Variants in RASGEF1C observed in about 807,000 individuals in gnomAD.
The protein encoded by RASGEF1C is RasGEF domain family member 1C.
RASGEF1C carries 27 observed loss-of-function variants against 58.1 expected under a neutral mutation model. That is an observed-to-expected ratio of 0.46 (90% confidence interval 0.34 to 0.64). RASGEF1C has a LOEUF of 0.64. RASGEF1C is among the 30% of genes least tolerant of loss of function. The probability of loss-of-function intolerance (pLI) is 0.01; values close to 1 mark genes in which losing one functional copy is unlikely to be tolerated. For missense variants in RASGEF1C, 502 were observed against 605.1 expected (o/e 0.83, Z 1.79); for synonymous variants, 243 against 246.3 (o/e 0.99, Z 0.13).
chr5:180,148,491 G>A (rs1766693234), intron 1 of RASGEF1C, among the ~76,000 whole-genome samples: 1 of 150,630 alleles, frequency 6.6e-6, no homozygotes, highest in Admixed American at 6.6e-5. Flanking sequence ...TTCCTTTTGT[G>A]TATATCCTAT....
chr5:180,168,191 GA>G lies in RASGEF1C; in HGVS notation c.-6-30134del, dbSNP rs1197111571. Among the ~76,000 whole-genome samples, 1 of 152,192 alleles carries G rather than the reference GA, an allele frequency of 6.6e-6. No homozygotes were observed. Among genetic ancestry groups the G allele is most frequent in the African/African-American group, 2.4e-5 (1 of 41,444 alleles). On this transcript the variant is annotated intron_variant, in intron 1 of 13. Coordinates refer to ENST00000361132, the MANE Select transcript of RASGEF1C (RefSeq NM_175062.4). The surrounding 1 kb of genome is among the most constrained non-coding windows in gnomAD (Gnocchi z 6.0). ...CACACCTGTAATCCCAGCACTTTGG[GA>G]GGCTGAGGTGGGCAGATCACCTGAG...
At chr5:180,151,812 C>G (rs1766749536) in intron 1 of RASGEF1C, among the ~76,000 whole-genome samples, 1 of 151,824 alleles carries the variant, frequency 6.6e-6, no homozygotes, top group Non-Finnish European at 1.5e-5. Context: ...CTTTTGCAAT[C>G]TACTCATCGG....
At chr5:180,201,868 A>G (rs1756400953) in intron 1 of RASGEF1C, among the ~76,000 whole-genome samples, 1 of 152,250 alleles carries the variant, frequency 6.6e-6, no homozygotes, top group Non-Finnish European at 1.5e-5. Context: ...TCTGCGAACC[A>G]GGATGCGGCC....
chr5:180,188,478 C>A (rs6601095), intron 1 of RASGEF1C, among the ~76,000 whole-genome samples: 1 of 151,938 alleles, frequency 6.6e-6, no homozygotes. Context: ...CTCATAGATG[C>A]GAGAAAGCAT....
chr5:180,170,603 CAA>C (rs2113309715), intron 1 of RASGEF1C, among the ~76,000 whole-genome samples: 1 of 152,290 alleles, frequency 6.6e-6, no homozygotes, highest in African/African-American at 2.4e-5. Flanking sequence ...TGAGACCTGC[CAA>C]AGTCACCATC....
At chr5:180,131,661 G>A (rs918650333) in intron 4 of RASGEF1C, among the ~76,000 whole-genome samples, 20 of 152,202 alleles carry the variant, frequency 1.3e-4, no homozygotes, top group Middle Eastern at 3.2e-3. Flanking sequence ...TGCTGAATGC[G>A]TGGATAAACA....
rs1264631607 is a variant in RASGEF1C, at chr5:180,177,349, G to A, written c.-7+31679C>T. 1.3e-5 allele frequency among the ~76,000 whole-genome samples: 2 copies of A among 152,216 alleles called. No individual in the cohort carries two copies. The highest frequency in any genetic ancestry group is 4.8e-5 in the African/African-American group (2 of 41,466). On this transcript the variant is annotated intron_variant, in intron 1 of 13. Transcript: ENST00000361132. The surrounding 1 kb of genome is among the most constrained non-coding windows in gnomAD (Gnocchi z 5.0). The stretch of plus-strand genomic sequence containing the variant: ...AGCAGCTTCCCCAAAGACACAGGCT[G>A]TTCATCGGCTCCATTTTTAACCTTC...
chr5:180,126,358 G>T (rs1367138433), intron 6 of RASGEF1C, among the ~76,000 whole-genome samples: 2 of 152,172 alleles, frequency 1.3e-5, no homozygotes, highest in Non-Finnish European at 2.9e-5. Flanking sequence ...AGTGAGCGGA[G>T]ACCGCGCCCC....
At chr5:180,193,494 GGACATGCAAGGT>G (rs1413394024) in intron 1 of RASGEF1C, among the ~76,000 whole-genome samples, 3 of 152,250 alleles carry the variant, frequency 2.0e-5, no homozygotes, top group African/African-American at 7.2e-5. Context: ...AGTCAGGGAG[GGACATGCAAGGT>G]GACACCCTAA....
chr5:180,183,738 G>T (rs375794730), intron 1 of RASGEF1C, among the ~76,000 whole-genome samples: 3 of 151,744 alleles, frequency 2.0e-5, no homozygotes, highest in African/African-American at 7.3e-5. Flanking sequence ...CAGGAGAATC[G>T]CTTGAACCAG....
At chr5:180,169,577 G>C (rs1160653145) in intron 1 of RASGEF1C, among the ~76,000 whole-genome samples, 36 of 151,380 alleles carry the variant, frequency 2.4e-4, no homozygotes, top group Admixed American at 2.3e-3. Context: ...CTGGGAGAGG[G>C]GGCTGGGGGA....
In RASGEF1C at chr5:180,119,397, C is replaced by T; in HGVS notation, c.856G>A (p.Ala286Thr). The T allele has an allele frequency of 6.2e-7, 1 of 1,614,186 alleles. No homozygotes were observed. Among genetic ancestry groups the T allele is most frequent in the African/African-American group, 1.3e-5 (1 of 75,056 alleles). Residue 286 changes from alanine (A) to threonine (T), a missense_variant, in exon 8 of 14, where the codon GCC becomes ACC. Ala to Thr is a moderately conservative substitution (Grantham distance 58, BLOSUM62 0). Transcript: ENST00000361132. ...AQVIEFFIDV[A>T]RECFNIGNFN... The stretch of plus-strand genomic sequence containing the variant: ...TTGCCGATGTTGAAGCACTCGCGGG[C>T]CACGTCGATGAAGAACTCAATCACC...
Position 180,137,262 on chromosome 5 carries a change from G to A in RASGEF1C, c.300+328C>T, listed in dbSNP as rs544006483. Among the ~76,000 whole-genome samples the A allele has an allele frequency of 1.5e-3, 224 of 152,308 alleles. No homozygotes were observed. Among genetic ancestry groups the A allele is most frequent in the African/African-American group, 5.1e-3 (213 of 41,566 alleles). On this transcript the variant is annotated intron_variant, in intron 3 of 13. Coordinates refer to ENST00000361132, the MANE Select transcript of RASGEF1C (RefSeq NM_175062.4). The surrounding 1 kb of genome is among the most constrained non-coding windows in gnomAD (Gnocchi z 4.1). Reference sequence around the variant, plus strand: ...GCAGGACCCGGCCAGGACTGGGAAGGTGGAGCGGATGTGCTGGGGGAAGGA... The same window carrying A: ...GCAGGACCCGGCCAGGACTGGGAAGATGGAGCGGATGTGCTGGGGGAAGGA...
At chr5:180,121,678 CA>C (rs71001070) in intron 6 of RASGEF1C, among the ~76,000 whole-genome samples, 483 of 34,324 alleles carry the variant, frequency 0.014, 6 homozygotes, top group African/African-American at 0.021. Context: ...CACACACACA[CA>C]CACCCTCATT....
At chr5:180,186,809 T>C (rs1756050903) in intron 1 of RASGEF1C, among the ~76,000 whole-genome samples, 1 of 152,090 alleles carries the variant, frequency 6.6e-6, no homozygotes, top group Non-Finnish European at 1.5e-5. Flanking sequence ...CTACTAAATA[T>C]ACAAAAATTA....
chr5:180,121,637 T>TCACACACACACACACACACACACA (rs762495633), intron 6 of RASGEF1C, among the ~76,000 whole-genome samples: 4 of 113,258 alleles, frequency 3.5e-5, no homozygotes, highest in Admixed American at 1.0e-4. Context: ...AAATGTAACT[T>TCACACACACACACACACACACACA]CACACACACA....
rs143635525 is a variant in RASGEF1C, at chr5:180,197,283, G to A, written c.-7+11745C>T. On this transcript the variant is annotated intron_variant, in intron 1 of 13. Coordinates refer to ENST00000361132, the MANE Select transcript of RASGEF1C (RefSeq NM_175062.4). The surrounding 1 kb of genome is among the most constrained non-coding windows in gnomAD (Gnocchi z 4.7). ...CAATGGCTGGGACAGAGGGGAGCCC[G>A]AACCCTGGGACGGCAGGGGGAAGCA... is the stretch of plus-strand genomic sequence containing the variant. Among the ~76,000 whole-genome samples, 738 of 152,312 alleles carry A rather than the reference G, an allele frequency of 4.8e-3. 6 individuals are homozygous for A. The highest frequency in any genetic ancestry group is 0.017 in the African/African-American group (714 of 41,574).
At chr5:180,187,807 A>G (rs1756066186) in intron 1 of RASGEF1C, among the ~76,000 whole-genome samples, 1 of 152,240 alleles carries the variant, frequency 6.6e-6, no homozygotes, top group Non-Finnish European at 1.5e-5. Flanking sequence ...ATACCACTTT[A>G]CACCCGCTAG....
In RASGEF1C at chr5:180,127,767, C is replaced by A; in HGVS notation, c.640-84G>T. The A allele has an allele frequency of 8.7e-6, 11 of 1,262,142 alleles. No homozygotes were observed. The South Asian group carries it at 1.5e-4, about 18-fold the overall frequency. 78.2% of individuals were successfully genotyped at this position (1,262,142 alleles called of 1,614,324 possible). A position where few individuals can be genotyped will look rare whatever the true frequency, so the allele number is the denominator to read the frequency against. On this transcript the variant is annotated intron_variant, in intron 5 of 13. Transcript: ENST00000361132. Reference sequence around the variant, plus strand: ...TGGGGGGCCTGCCGTGGTGCCCCAGCCCCTAGTCCTCCTCACAACAGTCAC... The same window carrying A: ...TGGGGGGCCTGCCGTGGTGCCCCAGACCCTAGTCCTCCTCACAACAGTCAC...
Sources: allele counts gnomAD v4.1 joint callset (sites outside exome capture counted in the v4.1 genomes callset), GRCh38; gene constraint gnomAD v4.1.1; non-coding constraint Gnocchi (gnomAD v3.1); transcripts MANE v1.5; gene names NCBI Gene and HGNC (gene_info 2026-07-23, HGNC 2026-07-21).